CCDC7: variants seen among roughly 807,000 people sequenced by gnomAD.
The protein encoded by CCDC7 is coiled-coil domain-containing protein 7.
In CCDC7, 183 loss-of-function variants were observed where a neutral mutation model predicts 196.9. That is an observed-to-expected ratio of 0.93 (90% confidence interval 0.82 to 1.05). The LOEUF is 1.05. Among genes scored for constraint, CCDC7 ranks in the 50% least tolerant of loss-of-function variants. CCDC7 has a pLI of 0.00. For synonymous variants in CCDC7, 525 were observed against 484.6 expected, an observed-to-expected ratio of 1.08 and a Z score of -1.10; for missense variants, 1,540 against 1,482.2, an observed-to-expected ratio of 1.04 and a Z score of -0.64.
upstream of CCDC7, among the ~76,000 whole-genome samples, chr10:32,450,660 C>T (rs1050726090): frequency 3.3e-5 from 5 of 152,142 alleles, no homozygotes; most frequent in Admixed American, 1.3e-4. Context: ...CAAGACCTAT[C>T]TAGTTTATAC....
At chr10:32,828,562 G>GA (rs2091751838) in intron 32 of CCDC7, among the ~76,000 whole-genome samples, 1 of 143,734 alleles carries the variant, frequency 7.0e-6, no homozygotes, top group Non-Finnish European at 1.5e-5. Flanking sequence ...GAAGAAGAAA[G>GA]AAGAAGAAGA....
chr10:32,604,813 G>C (rs986097071), intron 18 of CCDC7, among the ~76,000 whole-genome samples: 1 of 151,806 alleles, frequency 6.6e-6, no homozygotes, highest in Non-Finnish European at 1.5e-5. Context: ...GCAGTTTTAC[G>C]AGTTTTCTGG....
At chr10:32,806,211 C>A (rs373938819) in intron 30 of CCDC7, among the ~76,000 whole-genome samples, 36 of 152,060 alleles carry the variant, frequency 2.4e-4, no homozygotes, top group African/African-American at 8.4e-4. Flanking sequence ...CAAGCCAAAT[C>A]ACTGAAGAAA....
rs186976119 is a variant in CCDC7 at position 32,684,072 on chromosome 10, C to T, written c.2123-1898C>T. Among the ~76,000 whole-genome samples, 132 of 152,198 alleles carry T rather than the reference C, an allele frequency of 8.7e-4. 1 individual carries two copies. Among genetic ancestry groups the T allele is most frequent in the African/African-American group, 2.9e-3 (120 of 41,536 alleles). ...CCTCAGAGAAATGCAGAGCTGCAGC[C>T]AGCCCAAGTGATCAGGTTGGGGGGT... is the stretch of plus-strand genomic sequence containing the variant. On this transcript the variant is annotated intron_variant, in intron 21 of 41. Transcript: ENST00000639629.
chr10:32,745,751 C>T (rs2074608900), intron 28 of CCDC7, among the ~76,000 whole-genome samples: 3 of 152,112 alleles, frequency 2.0e-5, no homozygotes, highest in Admixed American at 2.0e-4. Context: ...TGTCAATATT[C>T]ACAAAATAAC....
intron 20 of CCDC7, among the ~76,000 whole-genome samples, chr10:32,636,335 C>G (rs1372683840): frequency 6.6e-6 from 1 of 152,090 alleles, no homozygotes; most frequent in Non-Finnish European, 1.5e-5. Flanking sequence ...CCCATTAACT[C>G]CTCATTTAAC....
chr10:32,639,294 G>C lies in CCDC7; in HGVS notation c.2014+4136G>C, dbSNP rs951608368. Among the ~76,000 whole-genome samples the C allele has an allele frequency of 8.2e-4, 124 of 152,068 alleles. 2 individuals are homozygous for C. Among genetic ancestry groups the C allele is most frequent in the Non-Finnish European group, 1.5e-3 (99 of 67,978 alleles). On this transcript the variant is annotated intron_variant, in intron 20 of 41. Coordinates refer to ENST00000639629, the Ensembl canonical transcript of CCDC7. ...CTGCTAGCTTTTGAATGTGTTTGCT[G>C]TTGCTTCTCTAGTTCTTTTAATTGT...
At chr10:32,460,641 A>G (rs565378071) in intron 3 of CCDC7, among the ~76,000 whole-genome samples, 1 of 152,308 alleles carries the variant, frequency 6.6e-6, no homozygotes, top group Non-Finnish European at 1.5e-5. Context: ...CTAAACACTT[A>G]CGTAGCTGAA....
At chr10:32,807,416 G>T (rs1007398044) in intron 30 of CCDC7, among the ~76,000 whole-genome samples, 3 of 152,102 alleles carry the variant, frequency 2.0e-5, no homozygotes, top group Admixed American at 6.5e-5. Flanking sequence ...AAGAGAGGGG[G>T]CTCCAAGATG....
downstream of CCDC7, among the ~76,000 whole-genome samples, chr10:32,881,264 C>A (rs1373339487): frequency 6.6e-6 from 1 of 152,134 alleles, no homozygotes; most frequent in East Asian, 1.9e-4. Flanking sequence ...CAACTGCCTA[C>A]TTCTGATTTT....
chr10:32,546,529 G>T (rs2052490278), intron 13 of CCDC7, among the ~76,000 whole-genome samples: 1 of 152,162 alleles, frequency 6.6e-6, no homozygotes, highest in Admixed American at 6.5e-5. Flanking sequence ...CGAGTTAAGT[G>T]TACAAGTATG....
intron 18 of CCDC7, among the ~76,000 whole-genome samples, chr10:32,632,768 A>T (rs976033034): frequency 1.6e-4 from 24 of 151,822 alleles, no homozygotes; most frequent in African/African-American, 5.3e-4. Flanking sequence ...CCTGTTATTG[A>T]TTTCTAATGT....
At position 32,455,467 on chromosome 10, in the gene CCDC7, G is replaced by A. The variant is rs546552206; in HGVS notation, c.373-784G>A. ...GTAGCTGGGATTACCGGTGTGCGGCGCCTCGCCCAGCTAATTTTTTTGTCT... is the reference window on the plus strand; with the variant it reads ...GTAGCTGGGATTACCGGTGTGCGGCACCTCGCCCAGCTAATTTTTTTGTCT... On this transcript the variant is annotated intron_variant, in intron 2 of 41. Coordinates refer to ENST00000639629, the Ensembl canonical transcript of CCDC7. Among the ~76,000 whole-genome samples the A allele has an allele frequency of 4.6e-5, 7 of 151,904 alleles. No homozygotes were observed. In the South Asian group the frequency reaches 1.0e-3, roughly 23 times the overall value.
chr10:32,823,457 C>T (rs1047686653), intron 31 of CCDC7, among the ~76,000 whole-genome samples: 2 of 152,060 alleles, frequency 1.3e-5, no homozygotes, highest in African/African-American at 2.4e-5. Context: ...TGCATTTTTA[C>T]AATGATGTGT....
At chr10:32,793,843 T>C (rs889005019) in intron 29 of CCDC7, among the ~76,000 whole-genome samples, 1 of 152,236 alleles carries the variant, frequency 6.6e-6, no homozygotes, top group Admixed American at 6.5e-5. Flanking sequence ...TGATCTATTC[T>C]GGAGAATATT....
chr10:32,693,380 C>T (rs1188188772), intron 23 of CCDC7, among the ~76,000 whole-genome samples: 1 of 152,040 alleles, frequency 6.6e-6, no homozygotes, highest in South Asian at 2.1e-4. Context: ...AGATAACTAT[C>T]TCTCTATTTC....
chr10:32,666,079 G>C (rs1008704730), intron 21 of CCDC7, among the ~76,000 whole-genome samples: 2 of 147,318 alleles, frequency 1.4e-5, no homozygotes, highest in African/African-American at 5.0e-5. Context: ...TAATCATTTG[G>C]TCTAATAGTT....
intron 33 of CCDC7, among the ~76,000 whole-genome samples, chr10:32,837,427 A>G (rs2092689905): frequency 6.6e-6 from 1 of 152,158 alleles, no homozygotes. Flanking sequence ...AGGAAACAAC[A>G]GGTACTGGAG....
chr10:32,639,495 T>G (rs1314614053), intron 20 of CCDC7, among the ~76,000 whole-genome samples: 1 of 152,226 alleles, frequency 6.6e-6, no homozygotes, highest in African/African-American at 2.4e-5. Context: ...CATTTCGTTA[T>G]GTACCCAGTA....
Sources: gnomAD v4.1 joint callset for allele counts (sites outside exome capture counted in the v4.1 genomes callset) on GRCh38, gnomAD v4.1.1 for gene constraint, MANE v1.5 for transcripts, NCBI Gene and HGNC (gene_info 2026-07-23, HGNC 2026-07-21) for gene names.